ESM1: variants seen among roughly 807,000 people sequenced by gnomAD.
ESM1 encodes the protein endothelial cell-specific molecule 1.
Under a neutral mutation model 14.9 loss-of-function variants are expected in ESM1, and 7 were observed. That is an observed-to-expected ratio of 0.47 (90% CI 0.27 to 0.88). ESM1 has a LOEUF of 0.88. ESM1 is among the 40% of genes least tolerant of loss of function. The probability of loss-of-function intolerance (pLI) is 0.14; values close to 1 mark genes in which losing one functional copy is unlikely to be tolerated. For missense variants in ESM1, 192 were observed against 237.9 expected (o/e 0.81, Z 1.27); for synonymous variants, 89 against 89.4 (o/e 1.00, Z 0.02).
intron 1 of ESM1, among the ~76,000 whole-genome samples, chr5:54,983,019 G>A (rs1740423739): frequency 6.6e-6 from 1 of 152,172 alleles, no homozygotes; most frequent in Non-Finnish European, 1.5e-5. Flanking sequence ...AAAGCCAGCA[G>A]AATAGATATA....
chr5:54,982,374 G>A (rs2112249938), intron 1 of ESM1, among the ~76,000 whole-genome samples: 1 of 152,320 alleles, frequency 6.6e-6, no homozygotes, highest in Non-Finnish European at 1.5e-5. Context: ...GTGTTGTGAT[G>A]TAAAGTTAAG....
rs771158711 is a variant in ESM1 at position 54,977,933 on chromosome 5, T to C, written c.*1399A>G. ...TTTTAAAACAAAACCTAACAGCTTA[T>C]GCAGCTTTACATTCAAAGGCCTTCC... On this transcript the variant is annotated 3_prime_UTR_variant, in exon 3 of 3. Coordinates refer to ENST00000381405, the MANE Select transcript of ESM1 (RefSeq NM_007036.5). The C allele has an allele frequency of 7.2e-5, 11 of 152,218 alleles. No homozygotes were observed. The highest frequency in any genetic ancestry group is 1.6e-4 in the Non-Finnish European group (11 of 68,022). 9.4% of individuals were successfully genotyped at this position (152,218 alleles called of 1,614,324 possible). A position where few individuals can be genotyped will look rare whatever the true frequency, so the allele number is the denominator to read the frequency against.
chr5:54,981,958 G>A (rs767821874), intron 2 of ESM1, 39 bp downstream of exon 2: 1 of 1,579,806 alleles, frequency 6.3e-7, no homozygotes. Context: ...ACTGAAATGA[G>A]ACTATTCTTC....
rs199807166 is a variant in ESM1, at chr5:54,985,204, G to A, written c.301+13C>T. On this transcript the variant is annotated intron_variant, in intron 1 of 2. Coordinates refer to ENST00000381405, the MANE Select transcript of ESM1 (RefSeq NM_007036.5). ...ATGCCCCGGGAGGGGAGAGGTAAGGGGTCACTCTTTACCTTTGCAGATACC... is the reference window on the plus strand; with the variant it reads ...ATGCCCCGGGAGGGGAGAGGTAAGGAGTCACTCTTTACCTTTGCAGATACC... 7 of 1,587,132 alleles carry A rather than the reference G, an allele frequency of 4.4e-6. No individual in the cohort carries two copies. The highest frequency in any genetic ancestry group is 6.0e-6 in the Non-Finnish European group (7 of 1,161,140).
At chr5:54,980,092 AATGTGTGTAAGTCCATGAAAC>A in intron 2 of ESM1, among the ~76,000 whole-genome samples, 1 of 152,316 alleles carries the variant, frequency 6.6e-6, no homozygotes, top group East Asian at 1.9e-4. Context: ...CCAGCAGACG[AATGTGTGTAAGTCCATGAAAC>A]ATTCCAGATC....
At position 54,979,281 on chromosome 5, in the gene ESM1, G is replaced by T; in HGVS notation, c.*51C>A. 1.5e-6 allele frequency: 2 copies of T among 1,314,334 alleles called. No homozygotes were observed. The highest frequency in any genetic ancestry group is 1.4e-5 in the African/African-American group (1 of 69,170). 81.4% of individuals were successfully genotyped at this position (1,314,334 alleles called of 1,614,324 possible). A position where few individuals can be genotyped will look rare whatever the true frequency, so the allele number is the denominator to read the frequency against. ...AGAAAGTTCCTAAAATGTTGGCTGT[G>T]TGTTGAACAATCACGAAAATAGAGC... On this transcript the variant is annotated 3_prime_UTR_variant, in exon 3 of 3. Coordinates refer to ENST00000381405, the MANE Select transcript of ESM1 (RefSeq NM_007036.5).
Position 54,985,347 on chromosome 5 carries a change from G to C in ESM1, c.171C>G (p.Cys57Trp), listed in dbSNP as rs774790604. The change falls in exon 1 of 3, where the codon TGC becomes TGG. Residue 57 changes from cysteine (C) to tryptophan (W), a missense_variant. Transcript: ENST00000381405. ...AGCAAGTTTCTCCCCGCCCTGCAGC[G>C]CACACTCGGCAGCAGCCACAGTCGT... Reference protein sequence around the residue: ...VLDDCGCCRVCAAGRGETCYR... With the variant: ...VLDDCGCCRVWAAGRGETCYR... 1 of 1,614,138 alleles carries C rather than the reference G, an allele frequency of 6.2e-7. No individual in the cohort carries two copies. The highest frequency in any genetic ancestry group is 8.5e-7 in the Non-Finnish European group (1 of 1,180,038).
chr5:54,985,265 G>C lies in ESM1; in HGVS notation c.253C>G (p.Pro85Ala), dbSNP rs1740511574. Reference protein sequence around the residue: ...MKCGPGLRCQPSNGEDPFGEE... With the variant: ...MKCGPGLRCQASNGEDPFGEE... The stretch of plus-strand genomic sequence containing the variant: ...CCAAAAGGATCCTCCCCATTAGAAG[G>C]CTGACACCTCAGCCCCGGGCCACAC... Residue 85 changes from proline (P) to alanine (A), a missense_variant, in exon 1 of 3, where the codon CCT (proline) becomes GCT (alanine). Pro to Ala is a conservative substitution (Grantham distance 27). Transcript: ENST00000381405. 2 of 1,613,828 alleles carry C rather than the reference G, an allele frequency of 1.2e-6. No homozygotes were observed. The highest frequency in any genetic ancestry group is 1.3e-5 in the African/African-American group (1 of 74,896).
At chr5:54,981,902 C>A in intron 2 of ESM1, 95 bp downstream of exon 2, 1 of 1,276,992 alleles carries the variant, frequency 7.8e-7, no homozygotes, top group Non-Finnish European at 1.1e-6. Context: ...AAAATCATTC[C>A]AATCCACATC....
intron 2 of ESM1, among the ~76,000 whole-genome samples, chr5:54,979,645 A>C (rs1280274268): frequency 2.6e-5 from 4 of 152,216 alleles, no homozygotes; most frequent in Non-Finnish European, 4.4e-5. Context: ...ACCTATCGTC[A>C]CCTGACATTA....
rs921899480 is a variant in ESM1 at position 54,977,887 on chromosome 5, T to C, written c.*1445A>G. On this transcript the variant is annotated 3_prime_UTR_variant, in exon 3 of 3. Transcript: ENST00000381405. ...GAAGCTGTATCTTGTTCTTTTTTAT[T>C]GAACAATAATAAACATGTCCTTTTA... The C allele has an allele frequency of 3.9e-5, 6 of 152,216 alleles. No individual in the cohort carries two copies. The highest frequency in any genetic ancestry group is 7.4e-5 in the Non-Finnish European group (5 of 68,026). 9.4% of individuals were successfully genotyped at this position (152,216 alleles called of 1,614,324 possible).
rs889091083 is a variant in ESM1, at chr5:54,978,314, A to AT, written c.*1017dup. 1 of 152,018 alleles carries AT rather than the reference A, an allele frequency of 6.6e-6. No homozygotes were observed. Among genetic ancestry groups the AT allele is most frequent in the Non-Finnish European group, 1.5e-5 (1 of 67,994 alleles). The allele number at this position is 152,018 out of a possible 1,614,324, so 9.4% of individuals were successfully genotyped here. On this transcript the variant is annotated 3_prime_UTR_variant, in exon 3 of 3. Coordinates refer to ENST00000381405, the MANE Select transcript of ESM1 (RefSeq NM_007036.5). Reference sequence around the variant, plus strand: ...TTTAAATAAGGACCCTCTGTTGCTCATTTTTTGACATTTTTGAAATCCAGA... The same window carrying AT: ...TTTAAATAAGGACCCTCTGTTGCTCATTTTTTTGACATTTTTGAAATCCAGA...
rs372031691 is a variant in ESM1, at chr5:54,979,305, G to C, written c.*27C>G. On this transcript the variant is annotated 3_prime_UTR_variant, in exon 3 of 3. Coordinates refer to ENST00000381405, the MANE Select transcript of ESM1 (RefSeq NM_007036.5). ...TGTGTTGAACAATCACGAAAATAGAGCCTTCTCTCAGAAATCACAGCCGGG... is the reference window on the plus strand; with the variant it reads ...TGTGTTGAACAATCACGAAAATAGACCCTTCTCTCAGAAATCACAGCCGGG... The C allele has an allele frequency of 2.2e-5, 33 of 1,511,946 alleles. No homozygotes were observed. Among genetic ancestry groups the C allele is most frequent in the Non-Finnish European group, 2.9e-5 (31 of 1,087,540 alleles). 93.7% of individuals were successfully genotyped at this position (1,511,946 alleles called of 1,614,324 possible).
intron 2 of ESM1, among the ~76,000 whole-genome samples, chr5:54,981,432 A>T (rs1354487370): frequency 6.6e-6 from 1 of 152,332 alleles, no homozygotes; most frequent in African/African-American, 2.4e-5. Flanking sequence ...GTATTACTAC[A>T]GTTTCATTCA....
intron 2 of ESM1, 108 bp from the exon 3 acceptor site, chr5:54,979,543 A>G: frequency 2.7e-6 from 2 of 743,050 alleles, no homozygotes; most frequent in Non-Finnish European, 4.6e-6. Context: ...ATCTTTAATC[A>G]ATTTAAGATT....
At chr5:54,984,636 C>T (rs1740492767) in intron 1 of ESM1, among the ~76,000 whole-genome samples, 1 of 152,126 alleles carries the variant, frequency 6.6e-6, no homozygotes, top group Non-Finnish European at 1.5e-5. Flanking sequence ...TTTATAAAGT[C>T]AGATGAGGTT....
In ESM1 at chr5:54,985,319, G is replaced by C. The variant is rs1238853829; in HGVS notation, c.199C>G (p.Arg67Gly). 2 of 1,614,058 alleles carry C rather than the reference G, an allele frequency of 1.2e-6. No homozygotes were observed. The highest frequency in any genetic ancestry group is 2.2e-5 in the East Asian group (1 of 44,888). The change falls in exon 1 of 3, where the codon CGC (arginine) becomes GGC (glycine). Residue 67 changes from arginine to glycine, a missense_variant. Transcript: ENST00000381405. Reference sequence around the variant, plus strand: ...ATGCCATCCATGCCTGAGACTGTGCGGTAGCAAGTTTCTCCCCGCCCTGCA... The same window carrying C: ...ATGCCATCCATGCCTGAGACTGTGCCGTAGCAAGTTTCTCCCCGCCCTGCA... ...CAAGRGETCY[R>G]TVSGMDGMKC...
chr5:54,985,353 T>C lies in ESM1; in HGVS notation c.165A>G (p.Arg55=). The C allele has an allele frequency of 1.2e-6, 2 of 1,614,158 alleles. No homozygotes were observed. The highest frequency in any genetic ancestry group is 2.2e-5 in the South Asian group (2 of 91,082). ...RTVLDDCGCC[R]VCAAGRGETC... is the part of the protein sequence containing the mutation. ...TTTCTCCCCGCCCTGCAGCGCACAC[T>C]CGGCAGCAGCCACAGTCGTCGAGCA... The change falls in exon 1 of 3, where the codon CGA becomes CGG. Residue 55 remains arginine (R), a synonymous_variant. Transcript: ENST00000381405.
intron 2 of ESM1, among the ~76,000 whole-genome samples, chr5:54,981,027 G>A (rs1368628985): frequency 2.0e-5 from 3 of 151,998 alleles, no homozygotes; most frequent in Non-Finnish European, 2.9e-5. Context: ...TTTAAATACA[G>A]TTTTTAATTG....
Sources: allele counts gnomAD v4.1 joint callset (sites outside exome capture counted in the v4.1 genomes callset), GRCh38; gene constraint gnomAD v4.1.1; transcripts MANE v1.5; gene names NCBI Gene and HGNC (gene_info 2026-07-23, HGNC 2026-07-21).